EIF6: variants seen among roughly 807,000 people sequenced by gnomAD.
The protein encoded by EIF6 is eukaryotic translation initiation factor 6.
A neutral mutation model predicts 25.5 loss-of-function variants in EIF6; 10 were observed. That is an observed-to-expected ratio of 0.39 (90% confidence interval 0.24 to 0.66). The LOEUF (loss-of-function observed/expected upper bound fraction) is 0.66. Among genes scored for constraint, EIF6 ranks in the 30% least tolerant of loss-of-function variants. The probability of loss-of-function intolerance (pLI) is 0.45; values close to 1 mark genes in which losing one functional copy is unlikely to be tolerated. For missense variants in EIF6, 246 were observed against 315.4 expected (o/e 0.78, Z 1.67); for synonymous variants, 122 against 122.6 (o/e 1.00, Z 0.03).
At position 35,282,832 on chromosome 20, in the gene EIF6, A is replaced by C. The variant is rs370980268; in HGVS notation, c.193+1344T>G. ...TCCATGTTGGTCAGGTTAGTCTCGAACTGCTGACCTCAGGTGATCCACCTG... is the reference window on the plus strand; with the variant it reads ...TCCATGTTGGTCAGGTTAGTCTCGACCTGCTGACCTCAGGTGATCCACCTG... On this transcript the variant is annotated intron_variant, in intron 3 of 6. Coordinates refer to ENST00000374450, the MANE Select transcript of EIF6 (RefSeq NM_002212.4). Among the ~76,000 whole-genome samples the C allele has an allele frequency of 1.1e-4, 17 of 152,136 alleles. No individual in the cohort carries two copies. In the East Asian group the frequency reaches 3.1e-3, roughly 28 times the overall value.
At chr20:35,281,616 T>A (rs1401383447) in intron 3 of EIF6, among the ~76,000 whole-genome samples, 4 of 151,892 alleles carry the variant, frequency 2.6e-5, no homozygotes, top group Admixed American at 6.6e-5. Context: ...TGGCTAACTT[T>A]TTGTGATTTT....
chr20:35,282,693 TC>T (rs545555274), intron 3 of EIF6, among the ~76,000 whole-genome samples: 116 of 151,732 alleles, frequency 7.6e-4, no homozygotes, highest in Non-Finnish European at 1.4e-3. Flanking sequence ...CAGGGTGAGC[TC>T]CACCTCCAGG....
At chr20:35,284,623 A>G in intron 1 of EIF6, 103 bp downstream of exon 1, 3 of 1,066,318 alleles carry the variant, frequency 2.8e-6, no homozygotes, top group Non-Finnish European at 4.0e-6. Flanking sequence ...GGTCCCGCCC[A>G]CTGGGCCCCC....
chr20:35,279,295 G>C (rs1026514898), intron 6 of EIF6, 89 bp from the exon 7 acceptor site: 2 of 1,546,760 alleles, frequency 1.3e-6, no homozygotes, highest in Admixed American at 1.8e-5. Context: ...CCCTCATCCC[G>C]GGACCAGCTC....
At chr20:35,280,267 G>T in intron 4 of EIF6, 149 bp from the exon 5 acceptor site, 1 of 898,594 alleles carries the variant, frequency 1.1e-6, no homozygotes, top group Non-Finnish European at 1.7e-6. Flanking sequence ...GAGAAAGGAG[G>T]AAGTACAGCT....
intron 2 of EIF6, 50 bp from the exon 3 acceptor site, chr20:35,284,311 C>G (rs757969805): frequency 1.0e-4 from 165 of 1,613,780 alleles, no homozygotes; most frequent in Non-Finnish European, 1.4e-4. Flanking sequence ...CCGGCACCCT[C>G]CCACTGCCGG....
chr20:35,283,507 T>C (rs932562), intron 3 of EIF6, among the ~76,000 whole-genome samples: 35,080 of 151,962 alleles, frequency 0.23, 4,213 homozygotes, highest in South Asian at 0.35. Context: ...AGAGATGAGA[T>C]ACAAATCCTC....
intron 3 of EIF6, among the ~76,000 whole-genome samples, chr20:35,283,707 G>A (rs2060796442): frequency 6.6e-6 from 1 of 151,872 alleles, no homozygotes; most frequent in Admixed American, 6.5e-5. Context: ...GGCTGAGGTG[G>A]GAGGATCACT....
At chr20:35,279,780 C>A in intron 5 of EIF6, 33 bp from the exon 6 acceptor site, 2 of 1,610,980 alleles carry the variant, frequency 1.2e-6, no homozygotes, top group Middle Eastern at 1.7e-4. Context: ...TGAGTCACGG[C>A]ACCAAATTCT....
rs150792205 is a variant in EIF6 at position 35,284,273 on chromosome 20, T to C, written c.108-12A>G. On this transcript the variant is annotated splice_polypyrimidine_tract_variant and intron_variant, in intron 2 of 6. Coordinates refer to ENST00000374450, the MANE Select transcript of EIF6 (RefSeq NM_002212.4). Reference sequence around the variant, plus strand: ...CGCCCTCGAACACACTGTAGGGACATGGACTCGGTGGTGGCGGGGCAGAGG... The same window carrying C: ...CGCCCTCGAACACACTGTAGGGACACGGACTCGGTGGTGGCGGGGCAGAGG... The C allele has an allele frequency of 2.5e-6, 4 of 1,613,746 alleles. No individual in the cohort carries two copies. The highest frequency in any genetic ancestry group is 2.2e-5 in the East Asian group (1 of 44,858).
At position 35,279,033 on chromosome 20, in the gene EIF6, T is replaced by G. The variant is rs529377243; in HGVS notation, c.*164A>C. On this transcript the variant is annotated 3_prime_UTR_variant, in exon 7 of 7. Transcript: ENST00000374450. ...AGCAGGTTTTTGCAGTAATGATAGA[T>G]CCAGGCGATAAGCACAGGTGGAAAA... The G allele has an allele frequency of 5.5e-5, 47 of 855,544 alleles. 1 individual carries two copies. The South Asian group carries it at 6.0e-4, about 11-fold the overall frequency. The allele number at this position is 855,544 out of a possible 1,614,324, so 53.0% of individuals were successfully genotyped here.
chr20:35,280,962 C>T (rs954653386), intron 3 of EIF6, 133 bp from the exon 4 acceptor site: 2 of 1,063,518 alleles, frequency 1.9e-6, no homozygotes, highest in Admixed American at 2.5e-5. Context: ...CTCCAACCCA[C>T]TGATCTGGAA....
rs777621481 is a variant in EIF6, at chr20:35,280,134, A to G, written c.370-16T>C. 3 of 1,612,698 alleles carry G rather than the reference A, an allele frequency of 1.9e-6. No homozygotes were observed. The highest frequency in any genetic ancestry group is 2.5e-6 in the Non-Finnish European group (3 of 1,179,140). On this transcript the variant is annotated splice_polypyrimidine_tract_variant and intron_variant, in intron 4 of 6. Coordinates refer to ENST00000374450, the MANE Select transcript of EIF6 (RefSeq NM_002212.4). ...CTTCTGTCTCCTGTCAATCAAAGAT[A>G]TTGTGTTCAGGGCTCAGAACTTACA... is the stretch of plus-strand genomic sequence containing the variant.
Position 35,280,059 on chromosome 20 carries a change from G to A in EIF6, c.429C>T (p.Ala143=), listed in dbSNP as rs866211331. The A allele has an allele frequency of 1.4e-5, 22 of 1,614,144 alleles. No individual in the cohort carries two copies. In the Middle Eastern group the frequency reaches 4.9e-4, roughly 36 times the overall value. ...LKVEVFRQTV[A]DQVLVGSYCV... ...AGTAGCTTCCTACTAGCACCTGGTC[G>A]GCCACTGTCTGTCTGAAGACTTCCA... Residue 143 remains alanine, a synonymous_variant, in exon 5 of 7, where the codon GCC becomes GCT. Transcript: ENST00000374450.
In EIF6 at chr20:35,279,196, C is replaced by T. The variant is rs1162877613; in HGVS notation, c.*1G>A. On this transcript the variant is annotated 3_prime_UTR_variant, in exon 7 of 7. Transcript: ENST00000374450. ...GCCCATGGAACAACTTGGAAGGTGA[C>T]TCAGGTGAGGCTGAAGAGAAAGGAA... 6.2e-7 allele frequency: 1 copy of T among 1,613,816 alleles called. No homozygotes were observed. Among genetic ancestry groups the T allele is most frequent in the African/African-American group, 1.3e-5 (1 of 74,892 alleles).
At chr20:35,284,684 G>A (rs2060810817) in intron 1 of EIF6, 42 bp downstream of exon 1, 1 of 627,136 alleles carries the variant, frequency 1.6e-6, no homozygotes, top group Non-Finnish European at 2.8e-6. Context: ...CCCGACCCAG[G>A]ACCGGAGCTG....
intron 3 of EIF6, 144 bp from the exon 4 acceptor site, chr20:35,280,973 A>G: frequency 1.0e-6 from 1 of 953,700 alleles, no homozygotes; most frequent in East Asian, 2.6e-5. Context: ...TGATCTGGAA[A>G]ACACCCAGGG....
intron 3 of EIF6, among the ~76,000 whole-genome samples, chr20:35,281,904 G>T (rs1437730885): frequency 6.6e-6 from 1 of 151,860 alleles, no homozygotes; most frequent in East Asian, 1.9e-4. Flanking sequence ...CACATAACCT[G>T]TGACTCTGCC....
At chr20:35,284,543 A>C in intron 1 of EIF6, 51 bp from the exon 2 acceptor site, 1 of 1,547,332 alleles carries the variant, frequency 6.5e-7, no homozygotes, top group Non-Finnish European at 8.8e-7. Context: ...TTTCCCAAGT[A>C]TCCCGGCCTC....
Sources: gnomAD v4.1 joint callset for allele counts (sites outside exome capture counted in the v4.1 genomes callset) on GRCh38, gnomAD v4.1.1 for gene constraint, MANE v1.5 for transcripts, NCBI Gene and HGNC (gene_info 2026-07-23, HGNC 2026-07-21) for gene names.